The following NID1 variants were observed in gnomAD, a reference collection of about 807,000 sequenced individuals.
NID1 encodes nidogen 1, also known as nidogen-1.
Under a neutral mutation model 130.6 loss-of-function variants are expected in NID1, and 76 were observed. The ratio of observed to expected loss-of-function variants is 0.58; its 90% CI spans 0.48 to 0.70. The LOEUF is 0.70. Among genes scored for constraint, NID1 ranks in the 30% least tolerant of loss-of-function variants. NID1 has a pLI of 0.00. For missense variants in NID1, 1,517 were observed against 1,664.8 expected (o/e 0.91, Z 1.54); for synonymous variants, 665 against 675.1 (o/e 0.98, Z 0.23).
chr1:236,039,421 C>T (rs1659382073), intron 4 of NID1, among the ~76,000 whole-genome samples: 2 of 151,810 alleles, frequency 1.3e-5, no homozygotes, highest in Admixed American at 1.3e-4. Flanking sequence ...CCCACCCCAA[C>T]ATACACTTTT....
rs1434611835 is a variant in NID1, at chr1:235,977,283, A to T, written c.*584T>A. 1 of 152,678 alleles carries T rather than the reference A, an allele frequency of 6.5e-6. No homozygotes were observed. Among genetic ancestry groups the T allele is most frequent in the Non-Finnish European group, 1.5e-5 (1 of 68,412 alleles). The allele number at this position is 152,678 out of a possible 1,614,324, so 9.5% of individuals were successfully genotyped here. On this transcript the variant is annotated 3_prime_UTR_variant, in exon 20 of 20. Transcript: ENST00000264187. ...GGTTTTGATGAAAAAGCAGCGCATG[A>T]ATATTATAATGGGGGTCTTAGACAA...
intron 14 of NID1, among the ~76,000 whole-genome samples, chr1:235,989,486 T>C (rs1017627560): frequency 4.0e-4 from 61 of 152,346 alleles, no homozygotes; most frequent in African/African-American, 1.4e-3. Flanking sequence ...AAATATTTTT[T>C]TGAGTGCTTC....
At chr1:235,988,864 A>G (rs1345601740) in intron 14 of NID1, among the ~76,000 whole-genome samples, 3 of 152,156 alleles carry the variant, frequency 2.0e-5, no homozygotes, top group African/African-American at 7.2e-5. Flanking sequence ...GGGCTAGGAC[A>G]TGGGTGGAGG....
In NID1 at chr1:235,985,449, C is replaced by G; in HGVS notation, c.2985G>C (p.Thr995=). The change falls in exon 15 of 20, where the codon ACG becomes ACC. Residue 995 remains threonine, a synonymous_variant. Transcript: ENST00000264187. The stretch of plus-strand genomic sequence containing the variant: ...TCCCAATGGAAGGCTCAGTGATGTC[C>G]GTCCAGTAAACCATCTTGTCCACGC... ...FDCVDKMVYW[T]DITEPSIGRA... is the part of the protein sequence containing the mutation. 3.1e-6 allele frequency: 5 copies of G among 1,614,074 alleles called. No homozygotes were observed. The highest frequency in any genetic ancestry group is 4.2e-6 in the Non-Finnish European group (5 of 1,179,992).
chr1:235,977,741 C>T lies in NID1; in HGVS notation c.*126G>A, dbSNP rs964836054. ...AACAGTGAGGGAAAAGTTGTTGGGG[C>T]TCAGGCTGGGCTGGGTCTGGGCCTA... On this transcript the variant is annotated 3_prime_UTR_variant, in exon 20 of 20. Transcript: ENST00000264187. 1.1e-5 allele frequency: 12 copies of T among 1,088,766 alleles called. No homozygotes were observed. The South Asian group carries it at 1.8e-4, about 16-fold the overall frequency. The allele number at this position is 1,088,766 out of a possible 1,614,324, so 67.4% of individuals were successfully genotyped here. A position where few individuals can be genotyped will look rare whatever the true frequency, so the allele number is the denominator to read the frequency against.
chr1:235,993,756 C>T lies in NID1; in HGVS notation c.2644G>A (p.Gly882Arg), dbSNP rs1165970792. 5 of 1,613,700 alleles carry T rather than the reference C, an allele frequency of 3.1e-6. No individual in the cohort carries two copies. The highest frequency in any genetic ancestry group is 2.5e-6 in the Non-Finnish European group (3 of 1,179,898). Residue 882 changes from glycine to arginine, a missense_variant, in exon 13 of 20, where the codon GGG becomes AGG. Gly to Arg is a moderately radical substitution (Grantham distance 125). Coordinates refer to ENST00000264187, the MANE Select transcript of NID1 (RefSeq NM_002508.3). ...TGGCACTGGGTGGGCGCGTAGTGCC[C>T]GTGCGCATCGCACTCAGGAACGAAC... ...GLFVPECDAHGHYAPTQCHGS... is the reference protein window; with the variant it reads ...GLFVPECDAHRHYAPTQCHGS...
rs780255429 is a variant in NID1, at chr1:236,038,221, A to G, written c.1168T>C (p.Cys390Arg). ...FSYNTDSRQT[C>R]ANNRHQCSVH... ...GAGCACTGGTGTCTGTTGTTAGCAC[A>G]CGTCTGGCGGGAATCCGTGTTATAG... Residue 390 changes from cysteine (C) to arginine (R), a missense_variant, in exon 5 of 20, where the codon TGT (cysteine) becomes CGT (arginine). By Grantham distance (180) the Cys-to-Arg change is radical. Coordinates refer to ENST00000264187, the MANE Select transcript of NID1 (RefSeq NM_002508.3). 6.2e-7 allele frequency: 1 copy of G among 1,613,334 alleles called. No homozygotes were observed. The highest frequency in any genetic ancestry group is 1.1e-5 in the South Asian group (1 of 91,008).
intron 7 of NID1, among the ~76,000 whole-genome samples, chr1:236,028,177 G>A (rs997722260): frequency 3.0e-4 from 46 of 152,188 alleles, no homozygotes; most frequent in African/African-American, 9.9e-4. Flanking sequence ...CCATCCAGTA[G>A]AATCACACAG....
intron 1 of NID1, among the ~76,000 whole-genome samples, chr1:236,059,494 C>A (rs891962107): frequency 7.9e-5 from 12 of 152,124 alleles, no homozygotes; most frequent in Admixed American, 1.3e-4. Context: ...AAGATTAATA[C>A]CATTTTCATT....
In NID1 at chr1:235,993,676, G is replaced by T. The variant is rs756494514; in HGVS notation, c.2724C>A (p.Gly908=). Residue 908 remains glycine (G), a synonymous_variant, in exon 13 of 20, where the codon GGC becomes GGA. Coordinates refer to ENST00000264187, the MANE Select transcript of NID1 (RefSeq NM_002508.3). The part of the protein sequence containing the change: ...CVDRDGREVE[G]TRTRPGMTPP... ...GCGTCATCCCGGGCCTGGTCCTGGT[G>T]CCCTCCACCTCGCGGCCGTCGCGAT... 3 of 1,576,816 alleles carry T rather than the reference G, an allele frequency of 1.9e-6. No homozygotes were observed. The highest frequency in any genetic ancestry group is 3.5e-5 in the Admixed American group (2 of 56,658).
intron 3 of NID1, among the ~76,000 whole-genome samples, chr1:236,043,801 A>C (rs1659523737): frequency 6.6e-6 from 1 of 152,126 alleles, no homozygotes; most frequent in African/African-American, 2.4e-5. Flanking sequence ...CCATCTCAAA[A>C]CAACAACAAA....
chr1:236,055,712 C>G (rs1230260116), intron 1 of NID1, among the ~76,000 whole-genome samples: 1 of 151,712 alleles, frequency 6.6e-6, no homozygotes, highest in Non-Finnish European at 1.5e-5. Context: ...TGAAGTTCAG[C>G]AAAGAAAGGC....
At chr1:236,064,327 A>G (rs1660128773) in intron 1 of NID1, among the ~76,000 whole-genome samples, 1 of 152,190 alleles carries the variant, frequency 6.6e-6, no homozygotes, top group Non-Finnish European at 1.5e-5. Flanking sequence ...CCCAACTGGA[A>G]AGCAGCATCA....
Position 235,981,641 on chromosome 1 carries a change from G to A in NID1, c.3197C>T (p.Pro1066Leu). The A allele has an allele frequency of 6.2e-7, 1 of 1,613,674 alleles. No homozygotes were observed. Residue 1066 changes from proline to leucine, a missense_variant, in exon 16 of 20, where the codon CCC (proline) becomes CTC (leucine). By Grantham distance (98) the Pro-to-Leu change is moderately conservative. Coordinates refer to ENST00000264187, the MANE Select transcript of NID1 (RefSeq NM_002508.3). ...RVLFETDLVN[P>L]RGIVTDSVRG... is the part of the protein sequence containing the mutation. ...CACGGAATCCGTTACAATGCCTCTG[G>A]GATTCACCAAGTCAGTCTCAAAGAG...
rs991783857 is a variant in NID1 at position 236,060,810 on chromosome 1, C to T, written c.225+4045G>A. ...TGTTGGGTTCTTTAAATTTTAACTA[C>T]GGGTGTGTCTATCAAAGAAGTAGCC... On this transcript the variant is annotated intron_variant, in intron 1 of 19. Transcript: ENST00000264187. 7.3e-5 allele frequency: 11 copies of T among 151,630 alleles called. No individual in the cohort carries two copies. In the South Asian group the frequency reaches 1.0e-3, roughly 14 times the overall value. 9.4% of individuals were successfully genotyped at this position (151,630 alleles called of 1,614,324 possible). A position where few individuals can be genotyped will look rare whatever the true frequency, so the allele number is the denominator to read the frequency against.
chr1:235,998,236 G>T (rs1440400635), intron 12 of NID1, among the ~76,000 whole-genome samples: 2 of 152,166 alleles, frequency 1.3e-5, no homozygotes, highest in Non-Finnish European at 2.9e-5. Flanking sequence ...CAGTTAGCAT[G>T]CCAGAAAAGT....
intron 12 of NID1, among the ~76,000 whole-genome samples, chr1:235,994,527 G>A (rs1480898842): frequency 1.3e-5 from 2 of 152,194 alleles, no homozygotes; most frequent in Non-Finnish European, 2.9e-5. Flanking sequence ...TTATCCAGGT[G>A]GTAGCATGTA....
intron 12 of NID1, among the ~76,000 whole-genome samples, chr1:236,001,850 C>T (rs1409633023): frequency 6.6e-6 from 1 of 152,236 alleles, no homozygotes; most frequent in African/African-American, 2.4e-5. Flanking sequence ...TGTTGAGTTT[C>T]ATCACACCTG....
intron 17 of NID1, among the ~76,000 whole-genome samples, 174 bp downstream of exon 17, chr1:235,980,322 C>A (rs978853962): frequency 1.3e-5 from 2 of 152,214 alleles, no homozygotes; most frequent in Non-Finnish European, 2.9e-5. Context: ...GGTATCTATA[C>A]AATTTTGTAC....
Sources: allele counts gnomAD v4.1 joint callset (sites outside exome capture counted in the v4.1 genomes callset), GRCh38; gene constraint gnomAD v4.1.1; transcripts MANE v1.5; gene names NCBI Gene and HGNC (gene_info 2026-07-23, HGNC 2026-07-21).